The following KCNQ1 variants were observed in gnomAD, a reference collection of about 807,000 sequenced individuals.
KCNQ1 encodes potassium voltage-gated channel subfamily KQT member 1.
KCNQ1 carries 49 observed loss-of-function variants against 72.4 expected under a neutral mutation model. The observed-to-expected ratio is 0.68, with a 90% CI of 0.54 to 0.86. KCNQ1 has a LOEUF of 0.86. Among genes scored for constraint, KCNQ1 ranks in the 40% least tolerant of loss-of-function variants. KCNQ1 has a pLI of 0.00. For synonymous variants in KCNQ1, 450 were observed against 412.6 expected, an observed-to-expected ratio of 1.09 and a Z score of -1.10; for missense variants, 790 against 945.1, an observed-to-expected ratio of 0.84 and a Z score of 2.15.
chr11:2,740,184 G>A (rs1032272066), intron 11 of KCNQ1, among the ~76,000 whole-genome samples: 1 of 152,172 alleles, frequency 6.6e-6, no homozygotes, highest in African/African-American at 2.4e-5. Context: ...GGCTGGGCCT[G>A]GCCTCTGAGG....
At chr11:2,798,922 G>T (rs1442476080) in intron 15 of KCNQ1, among the ~76,000 whole-genome samples, 2 of 152,154 alleles carry the variant, frequency 1.3e-5, no homozygotes, top group African/African-American at 4.8e-5. Flanking sequence ...CAGGACGGGG[G>T]AAGGAGAGGA....
intron 11 of KCNQ1, chr11:2,699,681 A>AGAACCCCCGGGGAGAACCGCGCCGAC (rs1186679424): frequency 8.8e-6 from 3 of 341,942 alleles, no homozygotes; most frequent in African/African-American, 2.3e-5. Context: ...ACCGCGCCGA[A>AGAACCCCCGGGGAGAACCGCGCCGAC]AAGCCCCGGG....
At chr11:2,576,630 ACT>A (rs1241566175) in intron 6 of KCNQ1, among the ~76,000 whole-genome samples, 2 of 151,780 alleles carry the variant, frequency 1.3e-5, no homozygotes, top group African/African-American at 2.4e-5. Flanking sequence ...CCTGCTGTTC[ACT>A]CTCTCCTCAC....
rs1475082175 is a variant in KCNQ1 at position 2,486,937 on chromosome 11, AG to A, written c.387-40990del. On this transcript the variant is annotated intron_variant, in intron 1 of 15. Coordinates refer to ENST00000155840, the MANE Select transcript of KCNQ1 (RefSeq NM_000218.3). This position sits in a 1 kb window ranked among gnomAD's most constrained non-coding sequence, Gnocchi z 5.0. ...CTGAACTCTATCAATGTTATATCCA[AG>A]AAATCATAGCCAAATCCAATGTCAT... 2.6e-5 allele frequency among the ~76,000 whole-genome samples: 4 copies of A among 152,202 alleles called. No individual in the cohort carries two copies. Among genetic ancestry groups the A allele is most frequent in the African/African-American group, 7.2e-5 (3 of 41,436 alleles).
chr11:2,705,392 C>G (rs570450162), intron 11 of KCNQ1, among the ~76,000 whole-genome samples: 6 of 152,218 alleles, frequency 3.9e-5, no homozygotes, highest in Non-Finnish European at 7.3e-5. Flanking sequence ...CCGAACCCAA[C>G]TCTCCCAGAG....
rs998170100 is a variant in KCNQ1 at position 2,565,806 on chromosome 11, T to C, written c.478-4822T>C. The stretch of plus-strand genomic sequence containing the variant: ...CTTTTCTGTTGTTTCTGCGAAGGTG[T>C]CTCAGGGAGGGGCAGAACCCATGGG... On this transcript the variant is annotated intron_variant, in intron 2 of 15. Transcript: ENST00000155840. This position sits in a 1 kb window ranked among gnomAD's most constrained non-coding sequence, Gnocchi z 5.6. Among the ~76,000 whole-genome samples, 6 of 152,214 alleles carry C rather than the reference T, an allele frequency of 3.9e-5. No individual in the cohort carries two copies. The highest frequency in any genetic ancestry group is 1.4e-4 in the African/African-American group (6 of 41,466).
chr11:2,445,519 G>C, intron 1 of KCNQ1, 35 bp downstream of exon 1: 7 of 1,581,750 alleles, frequency 4.4e-6, no homozygotes, highest in Non-Finnish European at 6.0e-6. Context: ...CGGCACGAAG[G>C]TGCTTCCTGA....
rs1846815689 is a variant in KCNQ1 at position 2,781,113 on chromosome 11, G to A, written c.1794+3076G>A. ...ATGAGAGGGTTTGACTCCTGCTTGT[G>A]TCCTTAGGGTCAAAAGTCACAAAAG... On this transcript the variant is annotated intron_variant, in intron 15 of 15. Coordinates refer to ENST00000155840, the MANE Select transcript of KCNQ1 (RefSeq NM_000218.3). The surrounding 1 kb of genome is among the most constrained non-coding windows in gnomAD (Gnocchi z 6.6). Among the ~76,000 whole-genome samples, 1 of 152,094 alleles carries A rather than the reference G, an allele frequency of 6.6e-6. No homozygotes were observed. The highest frequency in any genetic ancestry group is 2.4e-5 in the African/African-American group (1 of 41,412).
chr11:2,690,751 C>G lies in KCNQ1; in HGVS notation c.1514+28670C>G. 1 of 398,650 alleles carries G rather than the reference C, an allele frequency of 2.5e-6. No individual in the cohort carries two copies. The highest frequency in any genetic ancestry group is 4.4e-6 in the Non-Finnish European group (1 of 226,098). The allele number at this position is 398,650 out of a possible 1,614,324, so 24.7% of individuals were successfully genotyped here. The stretch of plus-strand genomic sequence containing the variant: ...TTGAAGATGGAGTATGATCCCAAAT[C>G]CCTTAGGTGGATGTGGCCTGGCAGG... On this transcript the variant is annotated intron_variant, in intron 11 of 15. Transcript: ENST00000155840. This position sits in a 1 kb window ranked among gnomAD's most constrained non-coding sequence, Gnocchi z 5.1.
chr11:2,779,093 C>A (rs1247892504), intron 15 of KCNQ1, among the ~76,000 whole-genome samples: 1 of 152,254 alleles, frequency 6.6e-6, no homozygotes, highest in Non-Finnish European at 1.5e-5. Flanking sequence ...TACCCTGAGT[C>A]CCATGGGCCT....
chr11:2,792,057 A>G (rs963027940), intron 15 of KCNQ1, among the ~76,000 whole-genome samples: 2 of 151,260 alleles, frequency 1.3e-5, no homozygotes, highest in Non-Finnish European at 3.0e-5. Context: ...AGCCCTCCCC[A>G]CCCCGTTCCG....
chr11:2,459,656 G>A (rs942331246), intron 1 of KCNQ1, among the ~76,000 whole-genome samples: 9 of 152,118 alleles, frequency 5.9e-5, no homozygotes, highest in Non-Finnish European at 1.0e-4. Context: ...GGGGGTGAAC[G>A]GCTGACCGTG....
rs928242250 is a variant in KCNQ1, at chr11:2,593,259, C to G, written c.1393+4405C>G. Among the ~76,000 whole-genome samples the G allele has an allele frequency of 6.6e-6, 1 of 152,292 alleles. No individual in the cohort carries two copies. The highest frequency in any genetic ancestry group is 2.4e-5 in the African/African-American group (1 of 41,566). On this transcript the variant is annotated intron_variant, in intron 10 of 15. Transcript: ENST00000155840. The surrounding 1 kb of genome is among the most constrained non-coding windows in gnomAD (Gnocchi z 6.9). ...TGGCCTCCTGAATGCCCCTAGGAGG[C>G]CAGAGGAGACTTCCCCAAATTCACT...
chr11:2,759,263 G>T lies in KCNQ1; in HGVS notation c.1515-9581G>T, dbSNP rs1158345050. 6.6e-6 allele frequency among the ~76,000 whole-genome samples: 1 copy of T among 152,200 alleles called. No individual in the cohort carries two copies. The highest frequency in any genetic ancestry group is 1.5e-5 in the Non-Finnish European group (1 of 68,020). ...AGGAAGAGTCTGGAAGGCCTGCAAG[G>T]CCCTCATGCCTACGAGGTGGCTGCT... On this transcript the variant is annotated intron_variant, in intron 11 of 15. Transcript: ENST00000155840. This position sits in a 1 kb window ranked among gnomAD's most constrained non-coding sequence, Gnocchi z 4.4.
chr11:2,445,506 G>C (rs1055538258), intron 1 of KCNQ1, 22 bp downstream of exon 1: 2 of 1,588,240 alleles, frequency 1.3e-6, no homozygotes, highest in South Asian at 1.1e-5. Context: ...CACCGGCGAC[G>C]GCCGGCACGA....
intron 11 of KCNQ1, chr11:2,689,610 G>T (rs1193138584): frequency 1.3e-5 from 5 of 398,570 alleles, no homozygotes; most frequent in Non-Finnish European, 2.2e-5. Context: ...CAAGGATCCG[G>T]GTATTTTAGG....
chr11:2,557,840 A>G (rs1202832584), intron 2 of KCNQ1, among the ~76,000 whole-genome samples: 1 of 152,250 alleles, frequency 6.6e-6, no homozygotes, highest in Non-Finnish European at 1.5e-5. Flanking sequence ...ACTGTGCTTT[A>G]AAACCAGCAC....
In KCNQ1 at chr11:2,678,640, G is replaced by C. The variant is rs557886736; in HGVS notation, c.1514+16559G>C. 2.5e-6 allele frequency: 1 copy of C among 395,708 alleles called. No homozygotes were observed. The highest frequency in any genetic ancestry group is 3.6e-5 in the East Asian group (1 of 27,968). 24.5% of individuals were successfully genotyped at this position (395,708 alleles called of 1,614,324 possible). A position where few individuals can be genotyped will look rare whatever the true frequency, so the allele number is the denominator to read the frequency against. On this transcript the variant is annotated intron_variant, in intron 11 of 15. Transcript: ENST00000155840. This position sits in a 1 kb window ranked among gnomAD's most constrained non-coding sequence, Gnocchi z 4.9. ...ATTACTTAAGAGCCAATAATGGGAA[G>C]CTCATTTTCACAAATGCAGTCAACC...
At chr11:2,841,431 G>A (rs887031960) in intron 15 of KCNQ1, among the ~76,000 whole-genome samples, 1 of 152,142 alleles carries the variant, frequency 6.6e-6, no homozygotes, top group Non-Finnish European at 1.5e-5. Flanking sequence ...AGGTGGTTGT[G>A]ACAGTCCAGG....
Sources: gnomAD v4.1 joint callset for allele counts (sites outside exome capture counted in the v4.1 genomes callset) on GRCh38, gnomAD v4.1.1 for gene constraint, Gnocchi (gnomAD v3.1) non-coding constraint, MANE v1.5 for transcripts, NCBI Gene and HGNC (gene_info 2026-07-23, HGNC 2026-07-21) for gene names.